UNC5CL: variants seen among roughly 807,000 people sequenced by gnomAD.
UNC5CL encodes UNC5C-like protein.
UNC5CL carries 42 observed loss-of-function variants against 54.1 expected under a neutral mutation model. The observed-to-expected ratio is 0.78, with a 90% CI of 0.61 to 1.00. The LOEUF (loss-of-function observed/expected upper bound fraction) is 1.00, where lower values mean the gene tolerates loss of function less well. UNC5CL is among the 50% of genes least tolerant of loss of function. The pLI is 0.00. For synonymous variants in UNC5CL, 285 were observed against 285.1 expected (o/e 1.00, Z 0.00); for missense variants, 619 against 675.6 (o/e 0.92, Z 0.93).
chr6:41,030,181 G>A (rs369056021), intron 8 of UNC5CL, among the ~76,000 whole-genome samples: 2 of 152,174 alleles, frequency 1.3e-5, no homozygotes, highest in East Asian at 3.8e-4. Flanking sequence ...TGTTAATTGA[G>A]CACCTACTAT....
intron 1 of UNC5CL, among the ~76,000 whole-genome samples, 160 bp from the exon 2 acceptor site, chr6:41,035,295 C>T (rs1324151277): frequency 2.6e-5 from 4 of 152,226 alleles, no homozygotes; most frequent in Admixed American, 6.5e-5. Flanking sequence ...CGAGAACCTA[C>T]CCTGGCTCCC....
chr6:41,030,045 T>C (rs1240806680), intron 8 of UNC5CL, among the ~76,000 whole-genome samples: 1 of 152,184 alleles, frequency 6.6e-6, no homozygotes, highest in Non-Finnish European at 1.5e-5. Flanking sequence ...TTAACAAGTG[T>C]CAGGCACCCA....
In UNC5CL at chr6:41,028,136, C is replaced by T; in HGVS notation, c.*237G>A. On this transcript the variant is annotated 3_prime_UTR_variant, in exon 9 of 9. Coordinates refer to ENST00000244565, the MANE Select transcript of UNC5CL (RefSeq NM_173561.3). The surrounding 1 kb of genome is among the most constrained non-coding windows in gnomAD (Gnocchi z 4.3). ...GGCAGGCTGGCCACGCTGAGGCCATCTCCTGGGCTCCTGCGCCCTCTGCCG... is the reference window on the plus strand; with the variant it reads ...GGCAGGCTGGCCACGCTGAGGCCATTTCCTGGGCTCCTGCGCCCTCTGCCG... The T allele has an allele frequency of 1.8e-6, 1 of 553,070 alleles. No individual in the cohort carries two copies. The highest frequency in any genetic ancestry group is 3.2e-6 in the Non-Finnish European group (1 of 315,112). 34.3% of individuals were successfully genotyped at this position (553,070 alleles called of 1,614,324 possible). A position where few individuals can be genotyped will look rare whatever the true frequency, so the allele number is the denominator to read the frequency against.
intron 1 of UNC5CL, among the ~76,000 whole-genome samples, chr6:41,038,196 T>A (rs943791208): frequency 5.9e-5 from 9 of 151,988 alleles, no homozygotes; most frequent in Non-Finnish European, 1.3e-4. Context: ...AAAAATGAAG[T>A]AAAGACAAAT....
At chr6:41,037,967 G>A (rs1373680124) in intron 1 of UNC5CL, among the ~76,000 whole-genome samples, 4 of 152,188 alleles carry the variant, frequency 2.6e-5, no homozygotes, top group African/African-American at 9.6e-5. Context: ...TTAGGAGCGA[G>A]GTGTTATTTT....
At chr6:41,031,988 G>A (rs755045038) in intron 5 of UNC5CL, 48 bp downstream of exon 5, 1 of 1,582,832 alleles carries the variant, frequency 6.3e-7, no homozygotes, top group South Asian at 1.1e-5. Flanking sequence ...AGAGGAGACA[G>A]GATGGGAAAA....
intron 4 of UNC5CL, 131 bp downstream of exon 4, chr6:41,032,753 T>TC: frequency 7.3e-7 from 1 of 1,369,586 alleles, no homozygotes; most frequent in East Asian, 2.5e-5. Flanking sequence ...AGAGCGAAAC[T>TC]CCATCTCGGG....
Position 41,028,360 on chromosome 6 carries a change from GC to G in UNC5CL, c.*12del. On this transcript the variant is annotated 3_prime_UTR_variant, in exon 9 of 9. Coordinates refer to ENST00000244565, the MANE Select transcript of UNC5CL (RefSeq NM_173561.3). The surrounding 1 kb of genome is among the most constrained non-coding windows in gnomAD (Gnocchi z 4.3). ...TCGCCCCTACACCTCCTCCGGCCCT[GC>G]CCGCTGGGCGCTCAGAGCTTCTCGT... 1.9e-6 allele frequency: 3 copies of G among 1,557,628 alleles called. No homozygotes were observed. The South Asian group carries it at 3.5e-5, about 18-fold the overall frequency.
rs748985846 is a variant in UNC5CL, at chr6:41,032,026, C to T, written c.1051+10G>A. 4 of 1,613,698 alleles carry T rather than the reference C, an allele frequency of 2.5e-6. No homozygotes were observed. The highest frequency in any genetic ancestry group is 1.7e-4 in the Middle Eastern group (1 of 6,026). On this transcript the variant is annotated intron_variant, in intron 5 of 8. Transcript: ENST00000244565. ...GAGGGGAGGAGGTACACACAGGGCT[C>T]CCGGACTACCTGCTTTTCTCCGGAA...
chr6:41,033,121 G>T lies in UNC5CL; in HGVS notation c.712C>A (p.Pro238Thr). The T allele has an allele frequency of 6.2e-7, 1 of 1,613,158 alleles. No individual in the cohort carries two copies. Among genetic ancestry groups the T allele is most frequent in the Admixed American group, 1.7e-5 (1 of 59,902 alleles). The change falls in exon 4 of 9, where the codon CCT (proline) becomes ACT (threonine). Residue 238 changes from proline to threonine, a missense_variant. Pro to Thr is a conservative substitution (Grantham distance 38). Transcript: ENST00000244565. ...FSLYTCVLEA[P>T]VGREARKWLQ... ...CATTTGCGGGCTTCGCGCCCCACAGGTGCCTCCAGCACACAGGTGTAGAGG... is the reference window on the plus strand; with the variant it reads ...CATTTGCGGGCTTCGCGCCCCACAGTTGCCTCCAGCACACAGGTGTAGAGG...
rs773491669 is a variant in UNC5CL, at chr6:41,033,037, G to A, written c.796C>T (p.Arg266Cys). 1.5e-5 allele frequency: 24 copies of A among 1,611,254 alleles called. No individual in the cohort carries two copies. The highest frequency in any genetic ancestry group is 5.5e-5 in the South Asian group (5 of 90,450). The stretch of plus-strand genomic sequence containing the variant: ...GGCGTGTTGTTGAGGAAGTAGATAC[G>A]CAGTTGCAGATGGGACTGTCCTGGC... Reference protein sequence around the residue: ...LVPGQSHLQLRIYFLNNTPCA... With the variant: ...LVPGQSHLQLCIYFLNNTPCA... Residue 266 changes from arginine to cysteine, a missense_variant, in exon 4 of 9, where the codon CGT becomes TGT. By Grantham distance (180) the Arg-to-Cys change is radical. Coordinates refer to ENST00000244565, the MANE Select transcript of UNC5CL (RefSeq NM_173561.3).
At chr6:41,033,602 AAGAC>A (rs1449165029) in intron 3 of UNC5CL, 1 of 546,352 alleles carries the variant, frequency 1.8e-6, no homozygotes, top group Non-Finnish European at 3.2e-6. Context: ...AGAGATGGGA[AAGAC>A]AGGTCCCTCT....
chr6:41,037,668 T>C (rs1323925617), intron 1 of UNC5CL, among the ~76,000 whole-genome samples: 1 of 152,204 alleles, frequency 6.6e-6, no homozygotes, highest in Admixed American at 6.5e-5. Context: ...GGCATTGTTC[T>C]CTTTGCCTAA....
Position 41,028,937 on chromosome 6 carries a change from A to ACCCCTAGCCTC in UNC5CL, c.1335-353_1335-343dup, listed in dbSNP as rs546277355. Among the ~76,000 whole-genome samples the ACCCCTAGCCTC allele has an allele frequency of 2.7e-5, 3 of 109,348 alleles. No homozygotes were observed. Among genetic ancestry groups the ACCCCTAGCCTC allele is most frequent in the East Asian group, 2.7e-4 (1 of 3,728 alleles). The allele number at this position is 109,348 out of a possible 152,430, so 71.7% of individuals were successfully genotyped here. ...TCTCTACCTCCCCCACTCCAAATAC[A>ACCCCTAGCCTC]CCCCTAGCCTCCCCCTAGCCTCCTA... On this transcript the variant is annotated intron_variant, in intron 8 of 8. Transcript: ENST00000244565. The surrounding 1 kb of genome is among the most constrained non-coding windows in gnomAD (Gnocchi z 4.3).
Position 41,032,121 on chromosome 6 carries a change from A to G in UNC5CL, c.966T>C (p.Asp322=). The part of the protein sequence containing the change: ...TYISEGWENV[D]DSSCQLVPHL... ...GGGGAACCAGCTGGCAACTGCTGTC[A>G]TCCACATTCTCCCAACCTGGTGAGT... The change falls in exon 5 of 9, where the codon GAT becomes GAC. Residue 322 remains aspartate, a synonymous_variant. Transcript: ENST00000244565. 1 of 1,614,192 alleles carries G rather than the reference A, an allele frequency of 6.2e-7. No individual in the cohort carries two copies. The highest frequency in any genetic ancestry group is 8.5e-7 in the Non-Finnish European group (1 of 1,180,028).
In UNC5CL at chr6:41,032,760, C is replaced by T. The variant is rs1762470211; in HGVS notation, c.949+124G>A. ...TGGGCAACAGAGCGAAACTCCATCT[C>T]GGGAAAAAAAAAGAGAGAGAGACTT... On this transcript the variant is annotated intron_variant, in intron 4 of 8. Coordinates refer to ENST00000244565, the MANE Select transcript of UNC5CL (RefSeq NM_173561.3). The T allele has an allele frequency of 7.2e-6, 10 of 1,397,248 alleles. No homozygotes were observed. In the East Asian group the frequency reaches 7.5e-5, roughly 11 times the overall value. 86.6% of individuals were successfully genotyped at this position (1,397,248 alleles called of 1,614,324 possible).
chr6:41,028,482 C>T lies in UNC5CL; in HGVS notation c.1448G>A (p.Cys483Tyr), dbSNP rs760167010. 4.2e-5 allele frequency: 68 copies of T among 1,613,630 alleles called. No homozygotes were observed. The highest frequency in any genetic ancestry group is 5.3e-5 in the Non-Finnish European group (63 of 1,180,008). Residue 483 changes from cysteine to tyrosine, a missense_variant, in exon 9 of 9, where the codon TGC (cysteine) becomes TAC (tyrosine). Cys to Tyr is a radical substitution (Grantham distance 194). Coordinates refer to ENST00000244565, the MANE Select transcript of UNC5CL (RefSeq NM_173561.3). This position sits in a 1 kb window ranked among gnomAD's most constrained non-coding sequence, Gnocchi z 4.3. ...CAGGTAGTTCTGGATGGCGGAGGCGCAGTCTAGCCGCTCCATGACGGTCAT... is the reference window on the plus strand; with the variant it reads ...CAGGTAGTTCTGGATGGCGGAGGCGTAGTCTAGCCGCTCCATGACGGTCAT... The part of the protein sequence containing the change: ...YLMTVMERLD[C>Y]ASAIQNYLSG...
chr6:41,030,684 TG>T lies in UNC5CL; in HGVS notation c.1190del (p.Pro397HisfsTer46). ...ASEEESWAAP[P>X]PVSQPPPCNR... is the part of the protein sequence containing the mutation. ...TGCATGGGGGCGGCTGGGAAACAGG[TG>T]GTGGCGCTGCCCAGGATTCCTCCTC... On this transcript the variant is annotated frameshift_variant, in exon 7 of 9. Coordinates refer to ENST00000244565, the MANE Select transcript of UNC5CL (RefSeq NM_173561.3). LOFTEE classifies it high-confidence loss of function. The T allele has an allele frequency of 1.9e-6, 3 of 1,614,030 alleles. No individual in the cohort carries two copies. The highest frequency in any genetic ancestry group is 2.5e-6 in the Non-Finnish European group (3 of 1,179,992).
intron 4 of UNC5CL, 121 bp downstream of exon 4, chr6:41,032,763 G>GA (rs1051811582): frequency 8.9e-4 from 1,209 of 1,362,664 alleles, no homozygotes; most frequent in Non-Finnish European, 9.7e-4. Flanking sequence ...TCCATCTCGG[G>GA]AAAAAAAAAG....
Sources: allele counts gnomAD v4.1 joint callset (sites outside exome capture counted in the v4.1 genomes callset), GRCh38; gene constraint gnomAD v4.1.1; non-coding constraint Gnocchi (gnomAD v3.1); transcripts MANE v1.5; gene names NCBI Gene and HGNC (gene_info 2026-07-23, HGNC 2026-07-21).